Variants in GUCY1A2 observed in about 807,000 individuals in gnomAD.
The protein encoded by GUCY1A2 is guanylate cyclase 1 soluble subunit alpha 2.
Under a neutral mutation model 63.5 loss-of-function variants are expected in GUCY1A2, and 27 were observed. The ratio of observed to expected loss-of-function variants is 0.43; its 90% CI spans 0.31 to 0.59. The LOEUF is 0.59. Ranked by LOEUF, GUCY1A2 falls within the 20% of genes least tolerant of loss-of-function variation. The pLI, the probability that GUCY1A2 is intolerant of heterozygous loss-of-function variation, is 0.11. For synonymous variants in GUCY1A2, 364 were observed against 343.5 expected (o/e 1.06, Z -0.66); for missense variants, 768 against 913.3 (o/e 0.84, Z 2.05).
intron 4 of GUCY1A2, among the ~76,000 whole-genome samples, chr11:106,837,280 G>A (rs1194134353): frequency 6.6e-6 from 1 of 151,980 alleles, no homozygotes; most frequent in African/African-American, 2.4e-5. Flanking sequence ...AGTCTGCTAA[G>A]GATAATGACC....
intron 4 of GUCY1A2, among the ~76,000 whole-genome samples, chr11:106,932,984 T>C (rs1860623409): frequency 6.6e-6 from 1 of 152,080 alleles, no homozygotes; most frequent in Admixed American, 6.6e-5. Flanking sequence ...GGATTAAATA[T>C]TTAAATGTAA....
intron 1 of GUCY1A2, among the ~76,000 whole-genome samples, chr11:107,013,522 A>C (rs1255052807): frequency 3.9e-5 from 6 of 152,228 alleles, no homozygotes; most frequent in African/African-American, 1.4e-4. Context: ...ATACATCTTC[A>C]ATCAGGTCTT....
intron 2 of GUCY1A2, among the ~76,000 whole-genome samples, chr11:106,981,554 T>C (rs964961871): frequency 2.0e-5 from 3 of 151,856 alleles, no homozygotes; most frequent in East Asian, 3.8e-4. Context: ...TTAAAATATA[T>C]AGTGAGTGAA....
chr11:106,791,252 A>G (rs1006049004), intron 5 of GUCY1A2, among the ~76,000 whole-genome samples: 1 of 152,206 alleles, frequency 6.6e-6, no homozygotes, highest in Non-Finnish European at 1.5e-5. Context: ...CTGCTATGAC[A>G]GGACAGCACT....
intron 6 of GUCY1A2, among the ~76,000 whole-genome samples, chr11:106,733,489 T>C (rs1161090969): frequency 6.6e-6 from 1 of 152,158 alleles, no homozygotes; most frequent in African/African-American, 2.4e-5. Flanking sequence ...AGTCTCACCA[T>C]TTAGTACCTC....
intron 4 of GUCY1A2, among the ~76,000 whole-genome samples, chr11:106,848,240 T>C (rs547564000): frequency 6.6e-6 from 1 of 151,566 alleles, no homozygotes; most frequent in Non-Finnish European, 1.5e-5. Flanking sequence ...TCAATATAAA[T>C]AGGTCAAAAG....
At position 106,823,546 on chromosome 11, in the gene GUCY1A2, A is replaced by T. The variant is rs369236884; in HGVS notation, c.1207-13068T>A. Among the ~76,000 whole-genome samples the T allele has an allele frequency of 3.3e-5, 5 of 152,148 alleles. No individual in the cohort carries two copies. In the East Asian group the frequency reaches 9.6e-4, roughly 29 times the overall value. On this transcript the variant is annotated intron_variant, in intron 4 of 7. Transcript: ENST00000526355. Reference sequence around the variant, plus strand: ...GACTTTCCTATTGTGAGGTACTGTGATGAACATTCAAGTGCAGGTGTCATT... The same window carrying T: ...GACTTTCCTATTGTGAGGTACTGTGTTGAACATTCAAGTGCAGGTGTCATT...
intron 4 of GUCY1A2, among the ~76,000 whole-genome samples, chr11:106,871,591 A>C (rs1016804247): frequency 6.6e-6 from 1 of 152,172 alleles, no homozygotes; most frequent in African/African-American, 2.4e-5. Context: ...CAAGGATACC[A>C]GTTATATTGT....
At chr11:106,824,869 G>A in intron 4 of GUCY1A2, 1 of 1,612,242 alleles carries the variant, frequency 6.2e-7, no homozygotes, top group Non-Finnish European at 8.5e-7. Flanking sequence ...AAAAATTCAG[G>A]CAACTTCCAG....
chr11:106,796,485 C>T (rs2135415660), intron 5 of GUCY1A2, among the ~76,000 whole-genome samples: 1 of 152,258 alleles, frequency 6.6e-6, no homozygotes, highest in East Asian at 1.9e-4. Context: ...TTCAGGATGT[C>T]TCAGCATTTG....
intron 5 of GUCY1A2, among the ~76,000 whole-genome samples, chr11:106,788,394 G>T (rs548018277): frequency 3.3e-5 from 5 of 152,248 alleles, no homozygotes; most frequent in African/African-American, 1.2e-4. Context: ...TTAACTTGAT[G>T]TGATCCCATT....
intron 3 of GUCY1A2, among the ~76,000 whole-genome samples, chr11:106,965,150 CAG>C (rs536608493): frequency 5.0e-4 from 76 of 151,408 alleles, no homozygotes; most frequent in Middle Eastern, 3.4e-3. Flanking sequence ...TTTTTGGAAA[CAG>C]AGAAAAATGC....
At chr11:106,891,917 C>G (rs922127279) in intron 4 of GUCY1A2, among the ~76,000 whole-genome samples, 1 of 152,030 alleles carries the variant, frequency 6.6e-6, no homozygotes, top group Non-Finnish European at 1.5e-5. Context: ...CTAAAGACAG[C>G]AGCGACTACA....
chr11:107,016,469 A>C (rs1242697626), intron 1 of GUCY1A2, among the ~76,000 whole-genome samples: 1 of 152,244 alleles, frequency 6.6e-6, no homozygotes, highest in Non-Finnish European at 1.5e-5. Context: ...GGGTAGCTGA[A>C]ATGCCTGGGC....
At chr11:106,945,045 C>A (rs1007036196) in intron 3 of GUCY1A2, among the ~76,000 whole-genome samples, 68 of 151,332 alleles carry the variant, frequency 4.5e-4, no homozygotes, top group Admixed American at 1.8e-3. Flanking sequence ...TCCCCTGAAC[C>A]ATGGAAAATC....
At chr11:106,962,111 C>T (rs1861065482) in intron 3 of GUCY1A2, among the ~76,000 whole-genome samples, 1 of 152,174 alleles carries the variant, frequency 6.6e-6, no homozygotes, top group Non-Finnish European at 1.5e-5. Flanking sequence ...AACATTTATA[C>T]TAAGGTGAGA....
chr11:106,740,774 A>G (rs576915261), intron 6 of GUCY1A2, among the ~76,000 whole-genome samples: 127 of 152,062 alleles, frequency 8.4e-4, no homozygotes, highest in African/African-American at 3.0e-3. Context: ...CCTGGGTTCA[A>G]GTGATTCTCC....
At chr11:106,690,947 CT>C (rs1305978418) in intron 7 of GUCY1A2, among the ~76,000 whole-genome samples, 3 of 152,144 alleles carry the variant, frequency 2.0e-5, no homozygotes, top group South Asian at 2.1e-4. Flanking sequence ...GTCATCAGTA[CT>C]TTTTACTTTC....
intron 6 of GUCY1A2, among the ~76,000 whole-genome samples, chr11:106,728,217 T>G (rs1232182795): frequency 6.6e-6 from 1 of 152,182 alleles, no homozygotes; most frequent in African/African-American, 2.4e-5. Flanking sequence ...TACCTAACAA[T>G]TTCCTATTCG....
Sources: gnomAD v4.1 joint callset for allele counts (sites outside exome capture counted in the v4.1 genomes callset) on GRCh38, gnomAD v4.1.1 for gene constraint, MANE v1.5 for transcripts, NCBI Gene and HGNC (gene_info 2026-07-23, HGNC 2026-07-21) for gene names.